ASPH: variants seen among roughly 807,000 people sequenced by gnomAD.
ASPH encodes the protein aspartyl/asparaginyl beta-hydroxylase.
Under a neutral mutation model 118.4 loss-of-function variants are expected in ASPH, and 100 were observed. The ratio of observed to expected loss-of-function variants is 0.84; its 90% CI spans 0.72 to 1.00. ASPH has a LOEUF of 1.00. ASPH is among the 50% of genes least tolerant of loss of function. The pLI is 0.00. For missense variants in ASPH, 920 were observed against 919.5 expected (o/e 1.00, Z -0.01); for synonymous variants, 315 against 325.6 (o/e 0.97, Z 0.35).
intron 10 of ASPH, among the ~76,000 whole-genome samples, chr8:61,638,697 T>C (rs1315235865): frequency 2.0e-5 from 3 of 152,330 alleles, no homozygotes; most frequent in Middle Eastern, 3.4e-3. Flanking sequence ...GCAGATTCCC[T>C]GCTTTGTTTA....
chr8:61,714,155 G>A, intron 1 of ASPH, 114 bp downstream of exon 1: 1 of 1,269,240 alleles, frequency 7.9e-7, no homozygotes, highest in Non-Finnish European at 1.0e-6. Context: ...CGTCGCGGGG[G>A]ATGGAGGCGG....
At position 61,662,947 on chromosome 8, in the gene ASPH, T is replaced by C. The variant is rs185123652; in HGVS notation, c.323-9287A>G. The C allele has an allele frequency of 1.7e-4, 170 of 985,362 alleles. 1 individual carries two copies. In the East Asian group the frequency reaches 0.016, roughly 92 times the overall value. The allele number at this position is 985,362 out of a possible 1,614,324, so 61.0% of individuals were successfully genotyped here. On this transcript the variant is annotated intron_variant, in intron 3 of 24. Coordinates refer to ENST00000379454, the MANE Select transcript of ASPH (RefSeq NM_004318.4). ...TTATGTATTTTCTGCCACATAGCCA[T>C]TGAACTTAAAAACTAAGGTAAAAAT...
At chr8:61,663,711 C>T in intron 3 of ASPH, 4 of 975,878 alleles carry the variant, frequency 4.1e-6, no homozygotes, top group Non-Finnish European at 4.9e-6. Flanking sequence ...TATCTTCAGG[C>T]CTTAATTTTT....
At chr8:61,535,684 A>G (rs1819210069) in intron 21 of ASPH, among the ~76,000 whole-genome samples, 1 of 152,222 alleles carries the variant, frequency 6.6e-6, no homozygotes, top group South Asian at 2.1e-4. Context: ...GCTTGTCATT[A>G]GTTATTATTT....
chr8:61,613,254 A>C (rs529756336), intron 14 of ASPH, among the ~76,000 whole-genome samples: 3 of 152,324 alleles, frequency 2.0e-5, no homozygotes, highest in African/African-American at 7.2e-5. Flanking sequence ...AATCAGATGA[A>C]GGCCTTAAGA....
At chr8:61,583,903 T>C (rs1389821581) in intron 15 of ASPH, 41 bp downstream of exon 15, 1 of 1,372,208 alleles carries the variant, frequency 7.3e-7, no homozygotes, top group Non-Finnish European at 1.0e-6. Flanking sequence ...TGCCTGAGTT[T>C]ATTTAACAAC....
chr8:61,576,661 A>G (rs1455312338), intron 16 of ASPH, 111 bp downstream of exon 16: 1 of 909,630 alleles, frequency 1.1e-6, no homozygotes, highest in East Asian at 2.5e-5. Context: ...TACATGAGAA[A>G]CTGATTCTGT....
chr8:61,583,893 T>A (rs1838421317), intron 15 of ASPH, 51 bp downstream of exon 15: 1 of 1,220,842 alleles, frequency 8.2e-7, no homozygotes, highest in Non-Finnish European at 1.2e-6. Context: ...TCAAGAGTAA[T>A]GCCTGAGTTT....
At chr8:61,632,534 C>T in intron 13 of ASPH, 1 of 233,186 alleles carries the variant, frequency 4.3e-6, no homozygotes. Flanking sequence ...GCTGCCCTTG[C>T]CCTGTCCAAG....
intron 21 of ASPH, among the ~76,000 whole-genome samples, chr8:61,539,059 T>C (rs919953623): frequency 3.9e-5 from 6 of 152,048 alleles, no homozygotes; most frequent in South Asian, 4.1e-4. Flanking sequence ...TTGGCCAACA[T>C]GGTGAAACCC....
chr8:61,634,675 C>T (rs950093953), intron 12 of ASPH, among the ~76,000 whole-genome samples: 3 of 152,166 alleles, frequency 2.0e-5, no homozygotes, highest in African/African-American at 7.2e-5. Flanking sequence ...TATGTTGTGA[C>T]TGGCTTTTAA....
intron 21 of ASPH, among the ~76,000 whole-genome samples, chr8:61,528,149 G>C (rs80243674): frequency 3.3e-5 from 5 of 152,076 alleles, no homozygotes; most frequent in Admixed American, 2.0e-4. Context: ...CACCAACTAG[G>C]TTCCATATTA....
At position 61,651,884 on chromosome 8, in the gene ASPH, T is replaced by C. The variant is rs771295276; in HGVS notation, c.416-760A>G. Among the ~76,000 whole-genome samples, 4 of 152,222 alleles carry C rather than the reference T, an allele frequency of 2.6e-5. No individual in the cohort carries two copies. In the South Asian group the frequency reaches 6.2e-4, roughly 24 times the overall value. On this transcript the variant is annotated intron_variant, in intron 4 of 24. Coordinates refer to ENST00000379454, the MANE Select transcript of ASPH (RefSeq NM_004318.4). Reference sequence around the variant, plus strand: ...TTGATACTAAGTTCTCTAATAAATATAATCTATGTTCAGTGAATAGAAGTA... The same window carrying C: ...TTGATACTAAGTTCTCTAATAAATACAATCTATGTTCAGTGAATAGAAGTA...
At chr8:61,681,391 C>T (rs1426494268) in intron 2 of ASPH, among the ~76,000 whole-genome samples, 1 of 151,674 alleles carries the variant, frequency 6.6e-6, no homozygotes, top group Non-Finnish European at 1.5e-5. Flanking sequence ...AATATTGATG[C>T]ATTCCTAAGT....
In ASPH at chr8:61,644,635, G is replaced by C; in HGVS notation, c.620-3C>G. On this transcript the variant is annotated splice_region_variant and splice_polypyrimidine_tract_variant and intron_variant, in intron 6 of 24. Coordinates refer to ENST00000379454, the MANE Select transcript of ASPH (RefSeq NM_004318.4). ...CACGTGGTAACTATGCTCGGTTTCT[G>C]GAAAAAAAAAAATTAGATTGATATT... The C allele has an allele frequency of 6.3e-7, 1 of 1,577,070 alleles. No homozygotes were observed. The highest frequency in any genetic ancestry group is 8.6e-7 in the Non-Finnish European group (1 of 1,162,306).
At chr8:61,542,819 T>C (rs1563756225) in intron 21 of ASPH, among the ~76,000 whole-genome samples, 1 of 152,174 alleles carries the variant, frequency 6.6e-6, no homozygotes, top group Non-Finnish European at 1.5e-5. Context: ...AGTTTTTATA[T>C]ATCTGGAAAT....
At chr8:61,664,069 T>C in intron 3 of ASPH, 2 of 973,470 alleles carry the variant, frequency 2.1e-6, no homozygotes, top group Non-Finnish European at 2.4e-6. Flanking sequence ...TCAAAAATGC[T>C]ACCACAGAGA....
intron 1 of ASPH, among the ~76,000 whole-genome samples, chr8:61,710,686 G>A (rs1837866523): frequency 6.6e-6 from 1 of 152,140 alleles, no homozygotes; most frequent in African/African-American, 2.4e-5. Context: ...GTCCTCCTAT[G>A]TTTTCATCTT....
At chr8:61,579,932 ATG>A (rs766388252) in intron 15 of ASPH, among the ~76,000 whole-genome samples, 2 of 111,582 alleles carry the variant, frequency 1.8e-5, no homozygotes, top group Admixed American at 9.7e-5. Context: ...AAAAAAAAAA[ATG>A]GGAGAAATTC....
Sources: allele counts gnomAD v4.1 joint callset (sites outside exome capture counted in the v4.1 genomes callset), GRCh38; gene constraint gnomAD v4.1.1; transcripts MANE v1.5; gene names NCBI Gene and HGNC (gene_info 2026-07-23, HGNC 2026-07-21).